Variants in TRAPPC10 observed in about 807,000 individuals in gnomAD.
TRAPPC10 encodes trafficking protein particle complex subunit 10.
A neutral mutation model predicts 125.5 loss-of-function variants in TRAPPC10; 23 were observed. That is an observed-to-expected ratio of 0.18 (90% confidence interval 0.13 to 0.26). TRAPPC10 has a LOEUF of 0.26. Ranked by LOEUF, TRAPPC10 falls within the 10% of genes least tolerant of loss-of-function variation. The pLI, the probability that TRAPPC10 is intolerant of heterozygous loss-of-function variation, is 1.00. For synonymous variants in TRAPPC10, 509 were observed against 518.0 expected, an observed-to-expected ratio of 0.98 and a Z score of 0.24; for missense variants, 1,123 against 1,308.4, an observed-to-expected ratio of 0.86 and a Z score of 2.19.
intron 3 of TRAPPC10, among the ~76,000 whole-genome samples, chr21:44,051,803 C>T (rs28413183): frequency 0.083 from 12,652 of 152,252 alleles, 663 homozygotes; most frequent in Non-Finnish European, 0.12. Flanking sequence ...TAGAAGCTGC[C>T]GGGAAGCTTG....
At chr21:44,035,818 TAAA>T (rs2145712274) in intron 2 of TRAPPC10, among the ~76,000 whole-genome samples, 1 of 152,194 alleles carries the variant, frequency 6.6e-6, no homozygotes, top group East Asian at 1.9e-4. Context: ...ATTACTTTGA[TAAA>T]AAGTAGAAAT....
chr21:44,050,996 C>G (rs2035196577), intron 3 of TRAPPC10, among the ~76,000 whole-genome samples: 1 of 152,160 alleles, frequency 6.6e-6, no homozygotes, highest in Non-Finnish European at 1.5e-5. Flanking sequence ...CCTCCGCCTC[C>G]CAGTTCAAGC....
Position 44,087,875 on chromosome 21 carries a change from A to C in TRAPPC10, c.2716A>C (p.Lys906Gln), listed in dbSNP as rs1483233616. Residue 906 changes from lysine to glutamine, a missense_variant, in exon 17 of 23, where the codon AAG (lysine) becomes CAG (glutamine). Lys to Gln is a moderately conservative substitution (Grantham distance 53, BLOSUM62 1). This residue lies in a region of TRAPPC10 where 840 missense variants were observed against 902.0 expected (regional missense o/e 0.93). Coordinates refer to ENST00000291574, the MANE Select transcript of TRAPPC10 (RefSeq NM_003274.5). The surrounding 1 kb of genome is among the most constrained non-coding windows in gnomAD (Gnocchi z 4.6). ...DMLGMAEPHR[K>Q]HKDKQRTGRC... ...GCTGGGGATGGCAGAGCCCCACAGG[A>C]AGCATAAGGACAAACAGAGAACTGG... 6.2e-7 allele frequency: 1 copy of C among 1,614,010 alleles called. No individual in the cohort carries two copies. Among genetic ancestry groups the C allele is most frequent in the African/African-American group, 1.3e-5 (1 of 74,912 alleles).
chr21:44,081,713 C>T (rs1248157170), intron 13 of TRAPPC10, among the ~76,000 whole-genome samples: 1 of 152,036 alleles, frequency 6.6e-6, no homozygotes, highest in Non-Finnish European at 1.5e-5. Context: ...ATGGCGAAAC[C>T]CTGTCTCTAC....
chr21:44,072,602 T>C (rs1476107729), intron 7 of TRAPPC10, among the ~76,000 whole-genome samples: 2 of 152,164 alleles, frequency 1.3e-5, no homozygotes, highest in African/African-American at 4.8e-5. Context: ...TAGCTGGGAT[T>C]ACAGGTGCAT....
chr21:44,058,405 TG>T (rs1052576224), intron 5 of TRAPPC10, among the ~76,000 whole-genome samples: 3 of 28,720 alleles, frequency 1.0e-4, no homozygotes, highest in Middle Eastern at 0.018. Flanking sequence ...TGGGAAGGGG[TG>T]GGGGTGGGGG....
intron 7 of TRAPPC10, among the ~76,000 whole-genome samples, chr21:44,069,447 A>G (rs771236618): frequency 9.2e-5 from 14 of 152,200 alleles, no homozygotes; most frequent in East Asian, 7.7e-4. Context: ...TGAAGCCATT[A>G]TTAATGAAGT....
At chr21:44,064,707 G>C (rs947398230) in intron 7 of TRAPPC10, among the ~76,000 whole-genome samples, 1 of 152,116 alleles carries the variant, frequency 6.6e-6, no homozygotes, top group Non-Finnish European at 1.5e-5. Flanking sequence ...TTATTTTTGT[G>C]TGCTTGGTTT....
At position 44,063,189 on chromosome 21, in the gene TRAPPC10, C is replaced by G; in HGVS notation, c.791-349C>G. 2 of 1,285,974 alleles carry G rather than the reference C, an allele frequency of 1.6e-6. No homozygotes were observed. Among genetic ancestry groups the G allele is most frequent in the Non-Finnish European group, 1.0e-6 (1 of 988,850 alleles). The allele number at this position is 1,285,974 out of a possible 1,614,324, so 79.7% of individuals were successfully genotyped here. On this transcript the variant is annotated intron_variant, in intron 6 of 22. Transcript: ENST00000291574. The surrounding 1 kb of genome is among the most constrained non-coding windows in gnomAD (Gnocchi z 4.4). ...CACAGGTAAAGATAAGGAAGCCCAG[C>G]CCCGCTGCAGCCTAAGACTAGAGCC...
At position 44,083,362 on chromosome 21, in the gene TRAPPC10, CA is replaced by C; in HGVS notation, c.2238+62del. On this transcript the variant is annotated intron_variant, in intron 14 of 22. Transcript: ENST00000291574. ...TTGTAAAGCAGGGCCGTGGAGCTTACAAGAACTGTCTGGAGTGTGCTGTGAA... is the reference window on the plus strand; with the variant it reads ...TTGTAAAGCAGGGCCGTGGAGCTTACAGAACTGTCTGGAGTGTGCTGTGAA... 3.8e-6 allele frequency: 6 copies of C among 1,559,946 alleles called. No individual in the cohort carries two copies. In the South Asian group the frequency reaches 4.7e-5, roughly 12 times the overall value.
rs142389234 is a variant in TRAPPC10 at position 44,037,541 on chromosome 21, A to G, written c.150-251A>G. On this transcript the variant is annotated intron_variant, in intron 2 of 22. Transcript: ENST00000291574. ...CTGGTTAAATGCAGTACTTGGAAGA[A>G]TGTATTCCTGTGCCTGTATCCTTGA... is the stretch of plus-strand genomic sequence containing the variant. 5.9e-3 allele frequency among the ~76,000 whole-genome samples: 896 copies of G among 152,312 alleles called. 9 individuals are homozygous for G. Among genetic ancestry groups the G allele is most frequent in the Middle Eastern group, 0.017 (5 of 294 alleles).
chr21:44,031,346 T>C (rs2033564087), intron 1 of TRAPPC10, among the ~76,000 whole-genome samples: 1 of 152,218 alleles, frequency 6.6e-6, no homozygotes, highest in African/African-American at 2.4e-5. Flanking sequence ...TTAGCCGAAG[T>C]GTAATACAGT....
In TRAPPC10 at chr21:44,058,507, C is replaced by G. The variant is rs1455389028; in HGVS notation, c.679-596C>G. ...AGTCGCTGACTGAAATGGGGAAGAC[C>G]GTGGGTGGAGCACTTTGTGGGAAAG... On this transcript the variant is annotated intron_variant, in intron 5 of 22. Coordinates refer to ENST00000291574, the MANE Select transcript of TRAPPC10 (RefSeq NM_003274.5). Among the ~76,000 whole-genome samples, 3 of 152,154 alleles carry G rather than the reference C, an allele frequency of 2.0e-5. No homozygotes were observed. In the East Asian group the frequency reaches 5.8e-4, roughly 29 times the overall value.
intron 5 of TRAPPC10, among the ~76,000 whole-genome samples, chr21:44,057,836 G>A (rs143242439): frequency 1.1e-4 from 16 of 152,274 alleles, no homozygotes; most frequent in African/African-American, 3.9e-4. Flanking sequence ...GGCCCTTAGG[G>A]GTCTGGGAAT....
chr21:44,028,249 A>G lies in TRAPPC10; in HGVS notation c.68-3842A>G, dbSNP rs76940343. On this transcript the variant is annotated intron_variant, in intron 1 of 22. Transcript: ENST00000291574. Reference sequence around the variant, plus strand: ...CTGATTGCATGTAACAGAAAATCCAATTGCAACTGCATAAATAATCCAAAA... The same window carrying G: ...CTGATTGCATGTAACAGAAAATCCAGTTGCAACTGCATAAATAATCCAAAA... Among the ~76,000 whole-genome samples, 445 of 152,356 alleles carry G rather than the reference A, an allele frequency of 2.9e-3. 4 individuals carry two copies. The highest frequency in any genetic ancestry group is 0.01 in the African/African-American group (416 of 41,588).
intron 1 of TRAPPC10, among the ~76,000 whole-genome samples, chr21:44,018,443 A>G (rs888476742): frequency 6.6e-6 from 1 of 152,074 alleles, no homozygotes; most frequent in Non-Finnish European, 1.5e-5. Context: ...ACTCATGGCC[A>G]TAATCCCAGC....
intron 4 of TRAPPC10, among the ~76,000 whole-genome samples, chr21:44,054,570 C>G (rs2035438272): frequency 1.3e-5 from 2 of 152,142 alleles, no homozygotes; most frequent in Admixed American, 1.3e-4. Flanking sequence ...TTACTATTAC[C>G]AAGGCTAAAG....
chr21:44,024,510 C>T (rs955829202), intron 1 of TRAPPC10, among the ~76,000 whole-genome samples: 2 of 152,210 alleles, frequency 1.3e-5, no homozygotes, highest in African/African-American at 2.4e-5. Flanking sequence ...ACTCCACCAT[C>T]AACAACAGGA....
chr21:44,031,685 G>A (rs1185328664), intron 1 of TRAPPC10, among the ~76,000 whole-genome samples: 1 of 152,228 alleles, frequency 6.6e-6, no homozygotes, highest in African/African-American at 2.4e-5. Flanking sequence ...TGAACAGTGA[G>A]TTGATTTTGG....
Sources: allele counts gnomAD v4.1 joint callset (sites outside exome capture counted in the v4.1 genomes callset), GRCh38; gene constraint gnomAD v4.1.1; regional missense constraint gnomAD v4.1.1; non-coding constraint Gnocchi (gnomAD v3.1); transcripts MANE v1.5; gene names NCBI Gene and HGNC (gene_info 2026-07-23, HGNC 2026-07-21).